YTHDC2: variants seen among roughly 807,000 people sequenced by gnomAD.
The protein encoded by YTHDC2 is YTH N6-methyladenosine RNA binding protein C2.
In YTHDC2, 45 loss-of-function variants were observed where a neutral mutation model predicts 174.9. The ratio of observed to expected loss-of-function variants is 0.26; its 90% confidence interval spans 0.20 to 0.33. The LOEUF (loss-of-function observed/expected upper bound fraction) is 0.33. Ranked by LOEUF, YTHDC2 falls within the 10% of genes least tolerant of loss-of-function variation. YTHDC2 has a pLI of 1.00. For synonymous variants in YTHDC2, 657 were observed against 574.5 expected, an observed-to-expected ratio of 1.14 and a Z score of -2.05; for missense variants, 1,650 against 1,723.7, an observed-to-expected ratio of 0.96 and a Z score of 0.76.
rs138250809 is a variant in YTHDC2 at position 113,553,818 on chromosome 5, A to G, written c.2016A>G (p.Lys672=). 1 of 1,612,494 alleles carries G rather than the reference A, an allele frequency of 6.2e-7. No individual in the cohort carries two copies. Residue 672 remains lysine (K), a synonymous_variant, in exon 15 of 30, where the codon AAA becomes AAG. Coordinates refer to ENST00000161863, the MANE Select transcript of YTHDC2 (RefSeq NM_022828.5). ...HSNMQTSDQK[K]VLKNPPAGVR... is the part of the protein sequence containing the mutation. ...ATATGCAAACATCCGATCAAAAGAA[A>G]GTATTAAAAAACCCACCTGCAGGTG...
intron 18 of YTHDC2, among the ~76,000 whole-genome samples, chr5:113,563,063 GA>G (rs1378230830): frequency 2.0e-5 from 2 of 100,464 alleles, no homozygotes; most frequent in African/African-American, 7.2e-5. Flanking sequence ...ATAAAGGGGG[GA>G]AAAGATTTTT....
chr5:113,556,334 T>G (rs1440529645), intron 17 of YTHDC2, 200 bp downstream of exon 17: 3 of 380,148 alleles, frequency 7.9e-6, no homozygotes, highest in Non-Finnish European at 1.4e-5. Context: ...TAAAAACTTT[T>G]GCCTAGTTAA....
chr5:113,540,937 C>G (rs1392785816), intron 8 of YTHDC2, 31 bp from the exon 9 acceptor site: 3 of 1,587,948 alleles, frequency 1.9e-6, no homozygotes, highest in Non-Finnish European at 2.6e-6. Context: ...AATGATTTGT[C>G]TACATATTCT....
chr5:113,556,010 T>A (rs767681583), intron 16 of YTHDC2, 42 bp from the exon 17 acceptor site: 41 of 1,275,640 alleles, frequency 3.2e-5, no homozygotes, highest in Non-Finnish European at 4.4e-5. Flanking sequence ...ACCTTTTAAA[T>A]ACCTTTTATA....
Position 113,539,158 on chromosome 5 carries a change from A to G in YTHDC2, c.1187A>G (p.Lys396Arg). ...TTGYTNKEML[K>R]YKKEKQQEEK... ...GGATATACAAACAAAGAAATGTTAAAATATAAAAAGGAAAAACAGCAAGGT... is the reference window on the plus strand; with the variant it reads ...GGATATACAAACAAAGAAATGTTAAGATATAAAAAGGAAAAACAGCAAGGT... Residue 396 changes from lysine to arginine, a missense_variant, in exon 8 of 30, where the codon AAA becomes AGA. By Grantham distance (26) the Lys-to-Arg change is conservative. Coordinates refer to ENST00000161863, the MANE Select transcript of YTHDC2 (RefSeq NM_022828.5). 1 of 1,390,692 alleles carries G rather than the reference A, an allele frequency of 7.2e-7. No individual in the cohort carries two copies. The highest frequency in any genetic ancestry group is 9.7e-7 in the Non-Finnish European group (1 of 1,033,022). The allele number at this position is 1,390,692 out of a possible 1,614,324, so 86.1% of individuals were successfully genotyped here. A position where few individuals can be genotyped will look rare whatever the true frequency, so the allele number is the denominator to read the frequency against.
chr5:113,593,022 T>A (rs1779088228), intron 28 of YTHDC2: 1 of 226,474 alleles, frequency 4.4e-6, no homozygotes, highest in Non-Finnish European at 8.7e-6. Context: ...ATCCATTATT[T>A]TTAGGTAGAA....
At chr5:113,528,008 A>G (rs1260144511) in intron 4 of YTHDC2, among the ~76,000 whole-genome samples, 1 of 152,176 alleles carries the variant, frequency 6.6e-6, no homozygotes, top group African/African-American at 2.4e-5. Context: ...ACTCCAGAGA[A>G]TTTGTTTAGC....
chr5:113,560,694 A>T (rs1238804990), intron 17 of YTHDC2, among the ~76,000 whole-genome samples: 2 of 152,248 alleles, frequency 1.3e-5, no homozygotes, highest in Non-Finnish European at 1.5e-5. Context: ...TGTAATGCAT[A>T]ATTTGTATGA....
At position 113,565,962 on chromosome 5, in the gene YTHDC2, A is replaced by G. The variant is rs372471573; in HGVS notation, c.2785A>G (p.Thr929Ala). Residue 929 changes from threonine to alanine, a missense_variant, in exon 21 of 30, where the codon ACT becomes GCT. This residue lies in a region of YTHDC2 where 913 missense variants were observed against 940.4 expected (regional missense o/e 0.97). Transcript: ENST00000161863. ...TGAAAAGAATTTTCTTTCACAGGCT[A>G]CTATGGAAATAATCATAGGCATGAG... The part of the protein sequence containing the change: ...FCEKNFLSQA[T>A]MEIIIGMRTQ... The G allele has an allele frequency of 3.7e-6, 6 of 1,613,482 alleles. No homozygotes were observed. The highest frequency in any genetic ancestry group is 3.3e-5 in the South Asian group (3 of 91,014).
chr5:113,588,469 A>G (rs1401472071), intron 26 of YTHDC2, among the ~76,000 whole-genome samples: 1 of 151,876 alleles, frequency 6.6e-6, no homozygotes, highest in Non-Finnish European at 1.5e-5. Flanking sequence ...TATGGTTTTG[A>G]TGTCAGAGTA....
At chr5:113,558,143 A>G (rs1776736234) in intron 17 of YTHDC2, among the ~76,000 whole-genome samples, 1 of 152,244 alleles carries the variant, frequency 6.6e-6, no homozygotes, top group African/African-American at 2.4e-5. Context: ...TATTTGCCTA[A>G]AGGCAAGAGT....
chr5:113,539,118 A>G lies in YTHDC2; in HGVS notation c.1147A>G (p.Ile383Val), dbSNP rs752807114. Residue 383 changes from isoleucine to valine, a missense_variant, in exon 8 of 30, where the codon ATT (isoleucine) becomes GTT (valine). Transcript: ENST00000161863. ...AGTAAAAGAAATGTTTCTGGAAGAT[A>G]TTTTAAGAACAACTGGATATACAAA... is the stretch of plus-strand genomic sequence containing the variant. ...FEVKEMFLEDILRTTGYTNKE... is the reference protein window; with the variant it reads ...FEVKEMFLEDVLRTTGYTNKE... 3 of 1,448,432 alleles carry G rather than the reference A, an allele frequency of 2.1e-6. No individual in the cohort carries two copies. Among genetic ancestry groups the G allele is most frequent in the East Asian group, 2.5e-5 (1 of 40,064 alleles). The allele number at this position is 1,448,432 out of a possible 1,614,324, so 89.7% of individuals were successfully genotyped here.
chr5:113,566,705 A>G (rs150151787), intron 21 of YTHDC2, among the ~76,000 whole-genome samples: 2 of 152,296 alleles, frequency 1.3e-5, no homozygotes, highest in Non-Finnish European at 2.9e-5. Flanking sequence ...CATCTACAGA[A>G]TTAGTATCTA....
intron 26 of YTHDC2, among the ~76,000 whole-genome samples, chr5:113,589,431 A>G (rs1778891822): frequency 3.5e-5 from 5 of 143,600 alleles, no homozygotes; most frequent in Admixed American, 3.5e-4. Context: ...ATATATATAT[A>G]TGTATATATA....
In YTHDC2 at chr5:113,549,246, A is replaced by C. The variant is rs184674660; in HGVS notation, c.1688+226A>C. Among the ~76,000 whole-genome samples the C allele has an allele frequency of 2.0e-3, 300 of 152,324 alleles. 2 individuals are homozygous for C. The highest frequency in any genetic ancestry group is 7.0e-3 in the African/African-American group (289 of 41,580). On this transcript the variant is annotated intron_variant, in intron 12 of 29. Coordinates refer to ENST00000161863, the MANE Select transcript of YTHDC2 (RefSeq NM_022828.5). ...AATTAAACATGGTAGGTACAACATA[A>C]GTATCTCTGCATTTTCTCAAACCTT...
chr5:113,585,243 G>T (rs1469309095), intron 26 of YTHDC2, among the ~76,000 whole-genome samples: 1 of 151,918 alleles, frequency 6.6e-6, no homozygotes, highest in African/African-American at 2.4e-5. Context: ...GGTAGGAGAT[G>T]TTGATAAGAA....
intron 17 of YTHDC2, among the ~76,000 whole-genome samples, chr5:113,558,634 T>A (rs1776760289): frequency 6.6e-6 from 1 of 152,030 alleles, no homozygotes; most frequent in African/African-American, 2.4e-5. Context: ...AATAATTAAT[T>A]TTTGGTTATT....
At chr5:113,531,049 C>T (rs1774621253) in intron 4 of YTHDC2, among the ~76,000 whole-genome samples, 2 of 152,202 alleles carry the variant, frequency 1.3e-5, no homozygotes, top group South Asian at 4.1e-4. Flanking sequence ...GGATGTAATT[C>T]TTACCTTGGC....
intron 26 of YTHDC2, among the ~76,000 whole-genome samples, chr5:113,585,882 C>G (rs1486416118): frequency 6.6e-6 from 1 of 151,658 alleles, no homozygotes; most frequent in Non-Finnish European, 1.5e-5. Context: ...TTGGTTTTTC[C>G]ATTCATCAGT....
Sources: gnomAD v4.1 joint callset for allele counts (sites outside exome capture counted in the v4.1 genomes callset) on GRCh38, gnomAD v4.1.1 for gene constraint, gnomAD v4.1.1 regional missense constraint, MANE v1.5 for transcripts, NCBI Gene and HGNC (gene_info 2026-07-23, HGNC 2026-07-21) for gene names.